HBP1: variants seen among roughly 807,000 people sequenced by gnomAD.
The protein encoded by HBP1 is HMG-box transcription factor 1.
In HBP1, 20 loss-of-function variants were observed where a neutral mutation model predicts 62.6. The observed-to-expected ratio is 0.32, with a 90% CI of 0.22 to 0.46. The LOEUF (loss-of-function observed/expected upper bound fraction) is 0.46. Ranked by LOEUF, HBP1 falls within the 20% of genes least tolerant of loss-of-function variation. The pLI is 1.00. For synonymous variants in HBP1, 232 were observed against 206.2 expected (o/e 1.12, Z -1.07); for missense variants, 480 against 611.8 (o/e 0.78, Z 2.27).
chr7:107,190,597 T>C (rs1351384920), intron 8 of HBP1, among the ~76,000 whole-genome samples: 1 of 152,090 alleles, frequency 6.6e-6, no homozygotes, highest in Non-Finnish European at 1.5e-5. Flanking sequence ...ACCAAGAGTT[T>C]AATGGTTCAG....
At chr7:107,185,753 C>A in intron 3 of HBP1, 48 bp from the exon 4 acceptor site, 12 of 1,485,526 alleles carry the variant, frequency 8.1e-6, no homozygotes, top group South Asian at 1.2e-5. Context: ...TAGGAAAGAT[C>A]TACTTTAAGG....
In HBP1 at chr7:107,182,305, T is replaced by C; in HGVS notation, c.170-68T>C. On this transcript the variant is annotated intron_variant, in intron 2 of 10. Coordinates refer to ENST00000222574, the MANE Select transcript of HBP1 (RefSeq NM_012257.4). ...TAAAATTGAGGACTTCTCTTTTAAC[T>C]GCAGTTATAATATTGTTCCTTGTAT... is the stretch of plus-strand genomic sequence containing the variant. The C allele has an allele frequency of 3.7e-6, 3 of 809,040 alleles. No homozygotes were observed. The Admixed American group carries it at 6.1e-5, about 17-fold the overall frequency. 50.1% of individuals were successfully genotyped at this position (809,040 alleles called of 1,614,324 possible).
chr7:107,192,178 A>G (rs1328846178), intron 8 of HBP1, among the ~76,000 whole-genome samples: 5 of 151,920 alleles, frequency 3.3e-5, no homozygotes, highest in East Asian at 3.9e-4. Context: ...ACAAAATCCA[A>G]ACTTCCAAAA....
At position 107,185,879 on chromosome 7, in the gene HBP1, G is replaced by C; in HGVS notation, c.477G>C (p.Ser159=). The C allele has an allele frequency of 6.2e-7, 1 of 1,613,192 alleles. No individual in the cohort carries two copies. The highest frequency in any genetic ancestry group is 8.5e-7 in the Non-Finnish European group (1 of 1,179,202). Residue 159 remains serine (S), a synonymous_variant, in exon 4 of 11, where the codon TCG becomes TCC. Transcript: ENST00000222574. ...GCCCTCCACCAGTGTCCTCTTCTTC[G>C]AAGAGTGAACCAGCCTTCCCTCATC... The part of the protein sequence containing the change: ...YARPPPVSSS[S]KSEPAFPHHH...
At chr7:107,174,506 CAA>C (rs1168304984) in intron 1 of HBP1, 6 of 984,992 alleles carry the variant, frequency 6.1e-6, no homozygotes, top group Non-Finnish European at 7.2e-6. Context: ...ATAGAAGTTG[CAA>C]AGAGACGTTA....
intron 1 of HBP1, chr7:107,174,632 A>C: frequency 1.0e-6 from 1 of 985,388 alleles, no homozygotes; most frequent in South Asian, 4.7e-5. Flanking sequence ...GGGGGAAGAC[A>C]AGACAGACTG....
intron 8 of HBP1, chr7:107,192,443 T>A (rs1159053459): frequency 6.6e-6 from 1 of 152,094 alleles, no homozygotes; most frequent in Non-Finnish European, 1.5e-5. Flanking sequence ...TATTTATGAG[T>A]AATATTTTCA....
chr7:107,176,050 G>T (rs1203822892), intron 1 of HBP1, among the ~76,000 whole-genome samples: 1 of 143,606 alleles, frequency 7.0e-6, no homozygotes, highest in African/African-American at 2.6e-5. Context: ...TTCGGAAATG[G>T]AGTCTCGCTC....
intron 1 of HBP1, chr7:107,170,229 G>T: frequency 4.8e-6 from 3 of 625,762 alleles, no homozygotes; most frequent in Non-Finnish European, 6.0e-6. Flanking sequence ...ATACTGGGAA[G>T]CGATGGAGTC....
intron 6 of HBP1, among the ~76,000 whole-genome samples, chr7:107,188,772 T>A (rs996234956): frequency 6.6e-6 from 1 of 152,200 alleles, no homozygotes; most frequent in African/African-American, 2.4e-5. Flanking sequence ...AAATTGACAG[T>A]CATGCTGATA....
intron 1 of HBP1, among the ~76,000 whole-genome samples, chr7:107,175,294 A>G: frequency 6.6e-6 from 1 of 152,130 alleles, no homozygotes; most frequent in East Asian, 1.9e-4. Flanking sequence ...GCTTTGTGTT[A>G]GGCTCTATTC....
chr7:107,170,913 A>G (rs941279691), intron 1 of HBP1, among the ~76,000 whole-genome samples: 12 of 147,912 alleles, frequency 8.1e-5, no homozygotes, highest in African/African-American at 2.5e-4. Flanking sequence ...TTTCTTCACT[A>G]TATACATATG....
At chr7:107,176,912 C>G (rs1796878469) in intron 1 of HBP1, among the ~76,000 whole-genome samples, 1 of 152,126 alleles carries the variant, frequency 6.6e-6, no homozygotes, top group African/African-American at 2.4e-5. Context: ...TTCCAAATTT[C>G]ATCTTTTAGG....
intron 1 of HBP1, chr7:107,170,061 C>T (rs550611317): frequency 1.0e-6 from 1 of 985,268 alleles, no homozygotes; most frequent in South Asian, 4.7e-5. Context: ...CCGCTGTGCA[C>T]TCTACACTCG....
intron 9 of HBP1, among the ~76,000 whole-genome samples, chr7:107,198,470 A>AAAG (rs1238451131): frequency 6.6e-6 from 1 of 152,102 alleles, no homozygotes; most frequent in Non-Finnish European, 1.5e-5. Context: ...TCTGCCTCCC[A>AAAG]AAGTGCTGGG....
intron 3 of HBP1, among the ~76,000 whole-genome samples, chr7:107,183,806 A>G (rs1357108954): frequency 1.3e-5 from 2 of 152,160 alleles, no homozygotes; most frequent in Admixed American, 6.5e-5. Context: ...CTGAGGATGT[A>G]TTATTCTGTC....
intron 1 of HBP1, among the ~76,000 whole-genome samples, chr7:107,175,314 T>A (rs1796781630): frequency 6.6e-6 from 1 of 152,190 alleles, no homozygotes. Context: ...CTGAGCATTT[T>A]ACATGATCTC....
chr7:107,190,785 A>T (rs1158945930), intron 8 of HBP1, among the ~76,000 whole-genome samples: 2 of 152,216 alleles, frequency 1.3e-5, no homozygotes, highest in Non-Finnish European at 2.9e-5. Flanking sequence ...AAATAGTAGA[A>T]AATAGCCTAA....
At chr7:107,170,168 C>T (rs1355242686) in intron 1 of HBP1, 1 of 979,986 alleles carries the variant, frequency 1.0e-6, no homozygotes, top group Non-Finnish European at 1.2e-6. Flanking sequence ...GTTTTTGGCT[C>T]ATGGTGCCAC....
Sources: allele counts gnomAD v4.1 joint callset (sites outside exome capture counted in the v4.1 genomes callset), GRCh38; gene constraint gnomAD v4.1.1; transcripts MANE v1.5; gene names NCBI Gene and HGNC (gene_info 2026-07-23, HGNC 2026-07-21).